COL4A2: variants seen among roughly 807,000 people sequenced by gnomAD.
COL4A2 encodes the protein collagen type IV alpha 2 chain, also known as collagen alpha-2(IV) chain.
In COL4A2, 99 loss-of-function variants were observed where a neutral mutation model predicts 200.2. The observed-to-expected ratio is 0.49, with a 90% CI of 0.42 to 0.58. The LOEUF is 0.58. Ranked by LOEUF, COL4A2 falls within the 20% of genes least tolerant of loss-of-function variation. The pLI is 0.00. For synonymous variants in COL4A2, 897 were observed against 900.6 expected, an observed-to-expected ratio of 1.00 and a Z score of 0.07; for missense variants, 1,950 against 2,314.1, an observed-to-expected ratio of 0.84 and a Z score of 3.23.
At chr13:110,436,513 C>T (rs1880892384) in intron 13 of COL4A2, 146 bp downstream of exon 13, 2 of 1,135,068 alleles carry the variant, frequency 1.8e-6, no homozygotes, top group African/African-American at 1.6e-5. Context: ...TAACCGGGTC[C>T]TCCCAGAATG....
chr13:110,491,271 G>A lies in COL4A2; in HGVS notation c.3385G>A (p.Asp1129Asn), dbSNP rs1438118274. 6.2e-7 allele frequency: 1 copy of A among 1,601,670 alleles called. No individual in the cohort carries two copies. Among genetic ancestry groups the A allele is most frequent in the Admixed American group, 1.7e-5 (1 of 58,828 alleles). The stretch of plus-strand genomic sequence containing the variant: ...CTTTGGAGAGAAGGGAACAGAAGGT[G>A]ACATCGGCTTCCCTGGGATAACAGG... ...GFFGEKGTEG[D>N]IGFPGITGVT... Residue 1129 changes from aspartate (D) to asparagine (N), a missense_variant, in exon 37 of 48, where the codon GAC becomes AAC. Physicochemically the swap from Asp to Asn is conservative, Grantham distance 23. Around this residue, in one of 2 missense-constraint regions of COL4A2, gnomAD observed 1,385 missense variants for 1,720.5 expected, o/e 0.80. Coordinates refer to ENST00000360467, the MANE Select transcript of COL4A2 (RefSeq NM_001846.4).
At chr13:110,414,580 G>C (rs769621646) in intron 4 of COL4A2, among the ~76,000 whole-genome samples, 5 of 152,108 alleles carry the variant, frequency 3.3e-5, no homozygotes, top group African/African-American at 1.2e-4. Context: ...TCACGCTGCC[G>C]ACCCCCCCGA....
intron 4 of COL4A2, among the ~76,000 whole-genome samples, chr13:110,415,197 G>A (rs1383084603): frequency 6.6e-6 from 1 of 152,138 alleles, no homozygotes; most frequent in Non-Finnish European, 1.5e-5. Flanking sequence ...GCTGATAGTG[G>A]TGGTTACACA....
At chr13:110,335,471 A>T (rs184463915) in intron 3 of COL4A2, among the ~76,000 whole-genome samples, 3 of 152,180 alleles carry the variant, frequency 2.0e-5, no homozygotes, top group African/African-American at 7.2e-5. Context: ...CTTGTCTGCC[A>T]CCATGTAAGA....
At chr13:110,361,746 A>G (rs1594169753) in intron 4 of COL4A2, among the ~76,000 whole-genome samples, 3 of 152,168 alleles carry the variant, frequency 2.0e-5, no homozygotes, top group Non-Finnish European at 4.4e-5. Flanking sequence ...CCCAGACAGA[A>G]CCACCCAGTC....
At chr13:110,438,374 C>G (rs1200038774) in intron 14 of COL4A2, among the ~76,000 whole-genome samples, 2 of 152,258 alleles carry the variant, frequency 1.3e-5, no homozygotes, top group Non-Finnish European at 2.9e-5. Context: ...AGCTCCAGCT[C>G]TCCCTCGCGG....
intron 4 of COL4A2, among the ~76,000 whole-genome samples, chr13:110,375,465 G>A (rs1172720025): frequency 1.3e-5 from 2 of 152,176 alleles, no homozygotes; most frequent in Admixed American, 6.5e-5. Context: ...GGGTTTGTGG[G>A]CGAGCATCCC....
intron 4 of COL4A2, among the ~76,000 whole-genome samples, chr13:110,414,898 G>A (rs1019072092): frequency 7.9e-5 from 12 of 152,298 alleles, no homozygotes; most frequent in African/African-American, 2.6e-4. Flanking sequence ...CTTTGGAGCC[G>A]TGTTTCTCTT....
chr13:110,436,571 G>A (rs981713678), intron 13 of COL4A2, among the ~76,000 whole-genome samples: 7 of 149,694 alleles, frequency 4.7e-5, no homozygotes, highest in Admixed American at 1.4e-4. Context: ...CGATCCCGTC[G>A]TCAGTCCATC....
chr13:110,467,197 A>C, intron 27 of COL4A2, 101 bp downstream of exon 27: 1 of 1,459,346 alleles, frequency 6.9e-7, no homozygotes, highest in Non-Finnish European at 9.4e-7. Flanking sequence ...TGCATCCCCC[A>C]CCCCAGACAT....
At chr13:110,507,689 A>T in intron 46 of COL4A2, 1 of 579,886 alleles carries the variant, frequency 1.7e-6, no homozygotes, top group Non-Finnish European at 3.1e-6. Flanking sequence ...TGGTGATCCA[A>T]CTTGGCCCAG....
chr13:110,380,748 C>A (rs576211184), intron 4 of COL4A2, among the ~76,000 whole-genome samples: 2 of 151,392 alleles, frequency 1.3e-5, no homozygotes, highest in South Asian at 4.2e-4. Flanking sequence ...TACCCACGTG[C>A]TCTGTCTCAC....
chr13:110,411,848 C>G (rs1207915609), intron 4 of COL4A2, among the ~76,000 whole-genome samples: 1 of 152,208 alleles, frequency 6.6e-6, no homozygotes, highest in Non-Finnish European at 1.5e-5. Flanking sequence ...TGACTCTTCT[C>G]TTTCATATAC....
chr13:110,316,939 T>A (rs1415788963), intron 3 of COL4A2, among the ~76,000 whole-genome samples: 5 of 152,024 alleles, frequency 3.3e-5, no homozygotes, highest in African/African-American at 1.2e-4. Context: ...CTACATGGAA[T>A]ATACAGACAT....
At chr13:110,328,447 G>A (rs1383856512) in intron 3 of COL4A2, 1 of 152,230 alleles carries the variant, frequency 6.6e-6, no homozygotes, top group East Asian at 1.9e-4. Flanking sequence ...TGAAGCAAAT[G>A]CGGTGCAAGC....
intron 3 of COL4A2, among the ~76,000 whole-genome samples, chr13:110,339,302 A>G (rs992285994): frequency 6.6e-6 from 1 of 152,238 alleles, no homozygotes; most frequent in African/African-American, 2.4e-5. Flanking sequence ...GCATGTTATC[A>G]CAATAGCATC....
intron 3 of COL4A2, among the ~76,000 whole-genome samples, chr13:110,327,254 T>TA (rs1885441913): frequency 1.3e-5 from 2 of 152,342 alleles, no homozygotes; most frequent in South Asian, 2.1e-4. Flanking sequence ...CGTCCCCAGT[T>TA]ACTCTGGTTG....
intron 8 of COL4A2, chr13:110,430,198 A>C (rs1462727410): frequency 1.5e-6 from 1 of 671,468 alleles, no homozygotes; most frequent in African/African-American, 1.9e-5. Flanking sequence ...ACTTGTAGTT[A>C]ATATTAGTAA....
chr13:110,485,676 T>C lies in COL4A2; in HGVS notation c.3047T>C (p.Ile1016Thr). ...GAKGIQGMPGIPGLSGIPGLP... is the reference protein window; with the variant it reads ...GAKGIQGMPGTPGLSGIPGLP... Reference sequence around the variant, plus strand: ...GCAGGTATCCAAGGAATGCCAGGCATCCCAGGGCTGTCAGGAATCCCTGGG... The same window carrying C: ...GCAGGTATCCAAGGAATGCCAGGCACCCCAGGGCTGTCAGGAATCCCTGGG... The change falls in exon 34 of 48, where the codon ATC (isoleucine) becomes ACC (threonine). Residue 1016 changes from isoleucine to threonine, a missense_variant. Transcript: ENST00000360467. 1 of 1,610,894 alleles carries C rather than the reference T, an allele frequency of 6.2e-7. No homozygotes were observed. Among genetic ancestry groups the C allele is most frequent in the Non-Finnish European group, 8.5e-7 (1 of 1,178,352 alleles).
Sources: gnomAD v4.1 joint callset for allele counts (sites outside exome capture counted in the v4.1 genomes callset) on GRCh38, gnomAD v4.1.1 for gene constraint, gnomAD v4.1.1 regional missense constraint, MANE v1.5 for transcripts, NCBI Gene and HGNC (gene_info 2026-07-23, HGNC 2026-07-21) for gene names.